Variants in WDR17 observed in about 807,000 individuals in gnomAD.
WDR17 encodes the protein WD repeat-containing protein 17.
Under a neutral mutation model 161.7 loss-of-function variants are expected in WDR17, and 143 were observed. That is an observed-to-expected ratio of 0.88 (90% confidence interval 0.77 to 1.02). The LOEUF is 1.02. WDR17 is among the 50% of genes least tolerant of loss of function. WDR17 has a pLI of 0.00. For missense variants in WDR17, 1,469 were observed against 1,520.9 expected, an observed-to-expected ratio of 0.97 and a Z score of 0.57; for synonymous variants, 517 against 515.6, an observed-to-expected ratio of 1.00 and a Z score of -0.04.
chr4:176,073,016 C>G (rs1285927953), intron 1 of WDR17, among the ~76,000 whole-genome samples: 4 of 152,102 alleles, frequency 2.6e-5, no homozygotes, highest in Non-Finnish European at 4.4e-5. Flanking sequence ...GATTTTTTCA[C>G]CAGATGTCTT....
chr4:176,168,067 A>C (rs1750148207), intron 22 of WDR17, among the ~76,000 whole-genome samples: 1 of 151,938 alleles, frequency 6.6e-6, no homozygotes, highest in East Asian at 1.9e-4. Context: ...AAATTGCTTG[A>C]ACCCAGGAGG....
intron 1 of WDR17, chr4:176,068,435 AC>A: frequency 6.6e-6 from 1 of 152,236 alleles, no homozygotes; most frequent in South Asian, 2.1e-4. Context: ...CCCCATGTGT[AC>A]TAATAATACA....
intron 1 of WDR17, among the ~76,000 whole-genome samples, 169 bp downstream of exon 1, chr4:176,066,248 A>C (rs12511326): frequency 0.043 from 6,560 of 152,250 alleles, 183 homozygotes; most frequent in East Asian, 0.13. Flanking sequence ...CTGATGAGAT[A>C]ATCAACTGAG....
chr4:176,150,472 C>T lies in WDR17; in HGVS notation c.2183C>T (p.Pro728Leu), dbSNP rs1746941341. The T allele has an allele frequency of 6.2e-7, 1 of 1,603,566 alleles. No homozygotes were observed. Among genetic ancestry groups the T allele is most frequent in the Non-Finnish European group, 8.5e-7 (1 of 1,177,236 alleles). ...LRWFSECLSP[P>L]GGSDNLWNLV... ...TATTTTTTGTCAACTCTTTAGCCTC[C>T]AGGTGGCAGTGACAATTTATGGAAC... The change falls in exon 16 of 29, where the codon CCA becomes CTA. Residue 728 changes from proline (P) to leucine (L), a missense_variant. Coordinates refer to ENST00000508596, the MANE Select transcript of WDR17 (RefSeq NM_181265.4).
chr4:176,106,930 C>A (rs1178336874), intron 1 of WDR17, among the ~76,000 whole-genome samples: 1 of 151,896 alleles, frequency 6.6e-6, no homozygotes, highest in African/African-American at 2.4e-5. Flanking sequence ...CGGAAGGAAA[C>A]CTGTCTGTAG....
rs1322798889 is a variant in WDR17 at position 176,072,443 on chromosome 4, AGTTAATTC to A, written c.-7+6365_-7+6372del. 3.3e-5 allele frequency among the ~76,000 whole-genome samples: 5 copies of A among 152,340 alleles called. No homozygotes were observed. In the East Asian group the frequency reaches 9.6e-4, roughly 29 times the overall value. ...AGTCTGCATTTTTAGCAAGTATCTA[AGTTAATTC>A]TGATGCGAAATACTTGAGAGCCACA... On this transcript the variant is annotated intron_variant, in intron 1 of 28. Transcript: ENST00000508596.
At position 176,125,459 on chromosome 4, in the gene WDR17, A is replaced by T. The variant is rs562766148; in HGVS notation, c.790+104A>T. On this transcript the variant is annotated intron_variant, in intron 5 of 28. Coordinates refer to ENST00000508596, the MANE Select transcript of WDR17 (RefSeq NM_181265.4). Reference sequence around the variant, plus strand: ...GGTTGATTTTGTGTAAAATGTATTAATAGCTCAATTATTATTTATTGTAGT... The same window carrying T: ...GGTTGATTTTGTGTAAAATGTATTATTAGCTCAATTATTATTTATTGTAGT... The T allele has an allele frequency of 1.7e-5, 23 of 1,326,574 alleles. 1 individual carries two copies. In the South Asian group the frequency reaches 3.1e-4, roughly 18 times the overall value. The allele number at this position is 1,326,574 out of a possible 1,614,324, so 82.2% of individuals were successfully genotyped here.
At chr4:176,093,449 A>T (rs1736396659) in intron 1 of WDR17, among the ~76,000 whole-genome samples, 1 of 152,170 alleles carries the variant, frequency 6.6e-6, no homozygotes, top group Non-Finnish European at 1.5e-5. Flanking sequence ...GCCTGCAATA[A>T]GTTTTCCGAC....
At chr4:176,158,492 G>A (rs948240441) in intron 18 of WDR17, among the ~76,000 whole-genome samples, 4 of 152,182 alleles carry the variant, frequency 2.6e-5, no homozygotes, top group East Asian at 1.9e-4. Context: ...ACCATTAGAA[G>A]AGGATTTGAA....
At chr4:176,141,943 G>T in intron 10 of WDR17, 40 bp from the exon 11 acceptor site, 1 of 1,400,680 alleles carries the variant, frequency 7.1e-7, no homozygotes, top group South Asian at 1.3e-5. Flanking sequence ...AATGTATTTA[G>T]AGTATTGTTT....
At chr4:176,110,339 C>T (rs906924158) in intron 1 of WDR17, among the ~76,000 whole-genome samples, 6 of 152,022 alleles carry the variant, frequency 3.9e-5, no homozygotes, top group Non-Finnish European at 8.8e-5. Flanking sequence ...GACGGGGTTT[C>T]ACCATGTTAG....
At chr4:176,094,754 TGTG>T (rs1190729655) in intron 1 of WDR17, among the ~76,000 whole-genome samples, 2 of 152,168 alleles carry the variant, frequency 1.3e-5, no homozygotes, top group Non-Finnish European at 2.9e-5. Flanking sequence ...GGCAATTAAA[TGTG>T]GTAGTAGGAG....
At chr4:176,144,321 T>C (rs1745811530) in intron 11 of WDR17, among the ~76,000 whole-genome samples, 1 of 152,216 alleles carries the variant, frequency 6.6e-6, no homozygotes, top group Admixed American at 6.5e-5. Context: ...GCATATTGGC[T>C]GTCTCACCCT....
intron 1 of WDR17, among the ~76,000 whole-genome samples, chr4:176,079,931 C>T (rs930943554): frequency 6.6e-6 from 1 of 151,988 alleles, no homozygotes; most frequent in Non-Finnish European, 1.5e-5. Context: ...CCCATGATAA[C>T]CTGCTAACCC....
At chr4:176,088,658 G>A (rs1201475625) in intron 1 of WDR17, among the ~76,000 whole-genome samples, 4 of 152,178 alleles carry the variant, frequency 2.6e-5, no homozygotes, top group Admixed American at 2.6e-4. Context: ...ACCTGCTATA[G>A]ATGTGGCATG....
chr4:176,161,741 C>T (rs1332778442), intron 20 of WDR17, among the ~76,000 whole-genome samples: 2 of 152,166 alleles, frequency 1.3e-5, no homozygotes, highest in Non-Finnish European at 2.9e-5. Flanking sequence ...TTGGATACCA[C>T]ATAAATTTCT....
chr4:176,089,296 A>G (rs1309316751), intron 1 of WDR17, among the ~76,000 whole-genome samples: 1 of 152,172 alleles, frequency 6.6e-6, no homozygotes, highest in Non-Finnish European at 1.5e-5. Flanking sequence ...TTCTAATAAC[A>G]CAGAATTAAT....
At chr4:176,155,987 T>A (rs1354710243) in intron 17 of WDR17, 92 bp from the exon 18 acceptor site, 1 of 1,144,708 alleles carries the variant, frequency 8.7e-7, no homozygotes, top group Non-Finnish European at 1.3e-6. Context: ...AAATACTATA[T>A]TATAAATACC....
At chr4:176,118,666 T>A (rs1286504955) in intron 3 of WDR17, among the ~76,000 whole-genome samples, 1 of 152,138 alleles carries the variant, frequency 6.6e-6, no homozygotes, top group African/African-American at 2.4e-5. Context: ...TACCCCTCCT[T>A]CTAGGTATAA....
Sources: allele counts gnomAD v4.1 joint callset (sites outside exome capture counted in the v4.1 genomes callset), GRCh38; gene constraint gnomAD v4.1.1; transcripts MANE v1.5; gene names NCBI Gene and HGNC (gene_info 2026-07-23, HGNC 2026-07-21).